CYRIA: variants seen among roughly 807,000 people sequenced by gnomAD.
CYRIA encodes the protein CYFIP related Rac1 interactor A, also known as CYFIP-related Rac1 interactor A.
In CYRIA, 15 loss-of-function variants were observed where a neutral mutation model predicts 43.9. The observed-to-expected ratio is 0.34, with a 90% confidence interval of 0.23 to 0.53. CYRIA has a LOEUF of 0.53. CYRIA is among the 20% of genes least tolerant of loss of function. CYRIA has a pLI of 0.94. For synonymous variants in CYRIA, 117 were observed against 136.0 expected, an observed-to-expected ratio of 0.86 and a Z score of 0.97; for missense variants, 236 against 394.2, an observed-to-expected ratio of 0.60 and a Z score of 3.40.
intron 3 of CYRIA, among the ~76,000 whole-genome samples, chr2:16,581,733 C>T (rs1667556496): frequency 6.6e-6 from 1 of 152,014 alleles, no homozygotes; most frequent in South Asian, 2.1e-4. Flanking sequence ...AATATAATGC[C>T]CACAAATATT....
In CYRIA at chr2:16,638,867, C is replaced by G. The variant is rs1011192509; in HGVS notation, c.-166-14848G>C. On this transcript the variant is annotated intron_variant, in intron 1 of 11. Coordinates refer to ENST00000381323, the MANE Select transcript of CYRIA (RefSeq NM_030797.4). Reference sequence around the variant, plus strand: ...CCCTTACTCAAGTGACTTCACCAAGCCTTCAATTATTTTCTCTCTAAAATG... The same window carrying G: ...CCCTTACTCAAGTGACTTCACCAAGGCTTCAATTATTTTCTCTCTAAAATG... 3.9e-5 allele frequency among the ~76,000 whole-genome samples: 6 copies of G among 152,148 alleles called. No homozygotes were observed. The East Asian group carries it at 1.2e-3, about 29-fold the overall frequency.
At chr2:16,647,678 G>A (rs951764432) in intron 1 of CYRIA, among the ~76,000 whole-genome samples, 4 of 151,952 alleles carry the variant, frequency 2.6e-5, no homozygotes, top group African/African-American at 9.7e-5. Flanking sequence ...AATTAGCAAA[G>A]CACACTCTCA....
At chr2:16,563,212 T>C (rs537606600) in intron 5 of CYRIA, among the ~76,000 whole-genome samples, 1 of 152,272 alleles carries the variant, frequency 6.6e-6, no homozygotes, top group Admixed American at 6.5e-5. Flanking sequence ...TATGTTCTCT[T>C]TTACTCTCTT....
chr2:16,654,934 C>T (rs560268392), intron 1 of CYRIA, among the ~76,000 whole-genome samples: 2 of 152,268 alleles, frequency 1.3e-5, no homozygotes, highest in East Asian at 3.9e-4. Flanking sequence ...CACACTGTAG[C>T]TATTTTAGTT....
intron 1 of CYRIA, among the ~76,000 whole-genome samples, chr2:16,636,057 T>C (rs1250873252): frequency 2.0e-5 from 3 of 152,028 alleles, no homozygotes; most frequent in Non-Finnish European, 2.9e-5. Context: ...AAAGAGGCAA[T>C]GGCAGGCAGC....
rs60848949 is a variant in CYRIA, at chr2:16,610,897, CATATATATATAT to C, written c.-11+12955_-11+12966del. ...TAGGATTGACTTCTTTTAGTCCCAA[CATATATATATAT>C]ATATATATATATATATATATATATA... On this transcript the variant is annotated intron_variant, in intron 2 of 11. Transcript: ENST00000381323. Among the ~76,000 whole-genome samples the C allele has an allele frequency of 2.1e-3, 195 of 92,582 alleles. 7 individuals carry two copies. Among genetic ancestry groups the C allele is most frequent in the East Asian group, 0.012 (19 of 1,532 alleles). The allele number at this position is 92,582 out of a possible 152,430, so 60.7% of individuals were successfully genotyped here.
At chr2:16,573,288 G>T (rs76408353) in intron 3 of CYRIA, among the ~76,000 whole-genome samples, 290 of 152,310 alleles carry the variant, frequency 1.9e-3, no homozygotes, top group African/African-American at 6.7e-3. Context: ...ATTTGCAGAA[G>T]AAAACTACCA....
intron 1 of CYRIA, among the ~76,000 whole-genome samples, chr2:16,641,474 C>A (rs1669675048): frequency 6.6e-6 from 1 of 152,228 alleles, no homozygotes; most frequent in African/African-American, 2.4e-5. Context: ...AAGGCCACTT[C>A]AGCCATGGAC....
rs76304549 is a variant in CYRIA at position 16,567,910 on chromosome 2, G to A, written c.71-2143C>T. On this transcript the variant is annotated intron_variant, in intron 3 of 11. Coordinates refer to ENST00000381323, the MANE Select transcript of CYRIA (RefSeq NM_030797.4). ...TATAACTTGAGCTGGGGCAATGGAA[G>A]GTGAAATGGAGTATATTCATGAAGA... is the stretch of plus-strand genomic sequence containing the variant. 3.9e-5 allele frequency among the ~76,000 whole-genome samples: 6 copies of A among 152,220 alleles called. No homozygotes were observed. In the East Asian group the frequency reaches 1.2e-3, roughly 29 times the overall value.
intron 1 of CYRIA, among the ~76,000 whole-genome samples, chr2:16,659,643 C>A (rs1318025625): frequency 6.6e-6 from 1 of 152,156 alleles, no homozygotes; most frequent in African/African-American, 2.4e-5. Flanking sequence ...TGGGAGCCAG[C>A]CTCATCACCG....
At chr2:16,659,683 A>G (rs1670197628) in intron 1 of CYRIA, among the ~76,000 whole-genome samples, 1 of 152,238 alleles carries the variant, frequency 6.6e-6, no homozygotes, top group African/African-American at 2.4e-5. Context: ...CTGGTTGCCA[A>G]TGCGAATGAG....
At chr2:16,614,041 A>G (rs1668694909) in intron 2 of CYRIA, among the ~76,000 whole-genome samples, 1 of 152,204 alleles carries the variant, frequency 6.6e-6, no homozygotes, top group Admixed American at 6.5e-5. Context: ...AATCAACTTC[A>G]CTCAAGTTAA....
chr2:16,647,275 C>A (rs1431270951), intron 1 of CYRIA, among the ~76,000 whole-genome samples: 1 of 152,178 alleles, frequency 6.6e-6, no homozygotes, highest in Non-Finnish European at 1.5e-5. Flanking sequence ...CCTGTATCAT[C>A]TCAGTTGACT....
intron 2 of CYRIA, among the ~76,000 whole-genome samples, chr2:16,593,718 G>GTTTTTTTTTT (rs572181896): frequency 1.2e-5 from 1 of 85,852 alleles, no homozygotes; most frequent in Non-Finnish European, 2.3e-5. Flanking sequence ...GTGTGTGTGT[G>GTTTTTTTTTT]TTTTTTTTTT....
In CYRIA at chr2:16,565,754, T is replaced by C. The variant is rs1666906741; in HGVS notation, c.84A>G (p.Thr28=). 5.7e-6 allele frequency: 9 copies of C among 1,576,356 alleles called. No individual in the cohort carries two copies. The highest frequency in any genetic ancestry group is 5.2e-6 in the Non-Finnish European group (6 of 1,151,512). The stretch of plus-strand genomic sequence containing the variant: ...GGTTCCAGATTTCTCTCTCTCCTTC[T>C]GTAGGCTGAGCATCTAAGAAACAGG... ...FFLDFENAQP[T]EGEREIWNQI... is the part of the protein sequence containing the mutation. Residue 28 remains threonine (T), a synonymous_variant, in exon 4 of 12, where the codon ACA becomes ACG. Transcript: ENST00000381323.
intron 1 of CYRIA, among the ~76,000 whole-genome samples, chr2:16,653,796 AG>A (rs1239437141): frequency 1.3e-5 from 2 of 152,234 alleles, no homozygotes; most frequent in East Asian, 3.8e-4. Context: ...GGGTCTGTCC[AG>A]GCAAAGAAAG....
intron 1 of CYRIA, among the ~76,000 whole-genome samples, chr2:16,624,770 G>A (rs141894650): frequency 1.6e-3 from 242 of 152,302 alleles, no homozygotes; most frequent in African/African-American, 5.6e-3. Context: ...AAATAGAGGG[G>A]AGCTTTCACT....
At chr2:16,654,642 T>TA (rs907008086) in intron 1 of CYRIA, among the ~76,000 whole-genome samples, 5 of 151,820 alleles carry the variant, frequency 3.3e-5, no homozygotes, top group Non-Finnish European at 5.9e-5. Flanking sequence ...AAGCAAATTT[T>TA]AAAAAAAACC....
At chr2:16,644,745 C>T (rs890726079) in intron 1 of CYRIA, among the ~76,000 whole-genome samples, 7 of 152,166 alleles carry the variant, frequency 4.6e-5, no homozygotes, top group Admixed American at 2.6e-4. Flanking sequence ...AGCATCACTG[C>T]GCATGCCTTC....
Sources: allele counts gnomAD v4.1 joint callset (sites outside exome capture counted in the v4.1 genomes callset), GRCh38; gene constraint gnomAD v4.1.1; transcripts MANE v1.5; gene names NCBI Gene and HGNC (gene_info 2026-07-23, HGNC 2026-07-21).